LMAN2L: variants seen among roughly 807,000 people sequenced by gnomAD.
The protein encoded by LMAN2L is VIP36-like protein.
In LMAN2L, 30 loss-of-function variants were observed where a neutral mutation model predicts 44.3. The observed-to-expected ratio is 0.68, with a 90% confidence interval of 0.51 to 0.92. The LOEUF (loss-of-function observed/expected upper bound fraction) is 0.92. LMAN2L is among the 40% of genes least tolerant of loss of function. The pLI, the probability that LMAN2L is intolerant of heterozygous loss-of-function variation, is 0.00. For synonymous variants in LMAN2L, 183 were observed against 171.1 expected (o/e 1.07, Z -0.54); for missense variants, 429 against 446.1 (o/e 0.96, Z 0.35).
At chr2:96,713,881 T>C (rs1395123636) in intron 4 of LMAN2L, among the ~76,000 whole-genome samples, 1 of 152,240 alleles carries the variant, frequency 6.6e-6, no homozygotes, top group Non-Finnish European at 1.5e-5. Flanking sequence ...GCTGCAGTTC[T>C]AAGCCATTAG....
At chr2:96,732,105 G>A (rs1046315616) in intron 4 of LMAN2L, among the ~76,000 whole-genome samples, 1 of 151,784 alleles carries the variant, frequency 6.6e-6, no homozygotes, top group Non-Finnish European at 1.5e-5. Context: ...TGCCCACCTC[G>A]GCCTCCCAAA....
chr2:96,714,291 C>T (rs534029308), intron 4 of LMAN2L, among the ~76,000 whole-genome samples: 4 of 152,200 alleles, frequency 2.6e-5, no homozygotes, highest in Admixed American at 2.6e-4. Context: ...GGAAACAGAT[C>T]AGTCAGAATC....
At chr2:96,709,746 C>T (rs1279903377) in intron 6 of LMAN2L, among the ~76,000 whole-genome samples, 2 of 152,202 alleles carry the variant, frequency 1.3e-5, no homozygotes, top group South Asian at 2.1e-4. Context: ...ACCTACTATA[C>T]AACAAGTAAG....
intron 6 of LMAN2L, among the ~76,000 whole-genome samples, chr2:96,710,428 C>A (rs922325145): frequency 1.3e-5 from 2 of 152,070 alleles, no homozygotes; most frequent in African/African-American, 4.8e-5. Flanking sequence ...CCAGCACTTT[C>A]GGAGGCCAAG....
Position 96,706,378 on chromosome 2 carries a change from A to G in LMAN2L, c.*878T>C, listed in dbSNP as rs989634241. 2 of 152,254 alleles carry G rather than the reference A, an allele frequency of 1.3e-5. No homozygotes were observed. Among genetic ancestry groups the G allele is most frequent in the African/African-American group, 4.8e-5 (2 of 41,470 alleles). The allele number at this position is 152,254 out of a possible 1,614,324, so 9.4% of individuals were successfully genotyped here. A position where few individuals can be genotyped will look rare whatever the true frequency, so the allele number is the denominator to read the frequency against. ...CTAGCAAGTCCAGAAACATCTCCAC[A>G]TGGTCAGACCACATGACAAATGTTG... On this transcript the variant is annotated 3_prime_UTR_variant, in exon 8 of 8. Transcript: ENST00000264963.
intron 2 of LMAN2L, among the ~76,000 whole-genome samples, chr2:96,737,444 G>A (rs2078539293): frequency 6.6e-6 from 1 of 152,204 alleles, no homozygotes; most frequent in East Asian, 1.9e-4. Context: ...GAGACCAAGA[G>A]TTTGAGACCA....
At chr2:96,737,195 A>G (rs1483806362) in intron 2 of LMAN2L, 1 of 455,526 alleles carries the variant, frequency 2.2e-6, no homozygotes, top group Non-Finnish European at 4.4e-6. Flanking sequence ...TCTTGTCGCC[A>G]TACCTCAAGG....
chr2:96,720,970 A>G (rs2078140454), intron 4 of LMAN2L, among the ~76,000 whole-genome samples: 1 of 152,042 alleles, frequency 6.6e-6, no homozygotes, highest in African/African-American at 2.4e-5. Flanking sequence ...TAACTACAAC[A>G]CTGAGATATA....
chr2:96,735,837 C>CAA (rs569948329), intron 2 of LMAN2L, among the ~76,000 whole-genome samples: 2 of 106,300 alleles, frequency 1.9e-5, no homozygotes, highest in Admixed American at 9.8e-5. Flanking sequence ...GACTCCATCT[C>CAA]AAAAAAAAAA....
At chr2:96,715,123 G>A (rs2078014071) in intron 4 of LMAN2L, among the ~76,000 whole-genome samples, 2 of 152,118 alleles carry the variant, frequency 1.3e-5, no homozygotes, top group Admixed American at 1.3e-4. Context: ...ATTTTTAGTA[G>A]AGATGGGGTT....
intron 4 of LMAN2L, 92 bp from the exon 5 acceptor site, chr2:96,712,117 A>G (rs2077939982): frequency 1.6e-6 from 2 of 1,278,166 alleles, no homozygotes; most frequent in Non-Finnish European, 2.2e-6. Flanking sequence ...ATACAAGTTG[A>G]GCCCCTTACA....
chr2:96,706,795 G>A lies in LMAN2L; in HGVS notation c.*461C>T, dbSNP rs1051533748. 4 of 152,418 alleles carry A rather than the reference G, an allele frequency of 2.6e-5. No homozygotes were observed. The highest frequency in any genetic ancestry group is 9.7e-5 in the African/African-American group (4 of 41,446). 9.4% of individuals were successfully genotyped at this position (152,418 alleles called of 1,614,324 possible). A position where few individuals can be genotyped will look rare whatever the true frequency, so the allele number is the denominator to read the frequency against. On this transcript the variant is annotated 3_prime_UTR_variant, in exon 8 of 8. Transcript: ENST00000264963. Reference sequence around the variant, plus strand: ...CTGGTTTCCAAAGAAAGCTCCTCAGGTAGGCAGAGGGTTGGGTCAAATGCA... The same window carrying A: ...CTGGTTTCCAAAGAAAGCTCCTCAGATAGGCAGAGGGTTGGGTCAAATGCA...
At chr2:96,733,702 T>C (rs1011964427) in intron 3 of LMAN2L, 101 bp from the exon 4 acceptor site, 11 of 890,832 alleles carry the variant, frequency 1.2e-5, no homozygotes, top group East Asian at 1.1e-4. Flanking sequence ...TTCAAATGAC[T>C]CCCAAGCCTC....
chr2:96,713,756 T>C (rs144532015), intron 4 of LMAN2L, among the ~76,000 whole-genome samples: 1 of 152,330 alleles, frequency 6.6e-6, no homozygotes, highest in African/African-American at 2.4e-5. Context: ...CAAATAACTA[T>C]TGTCATTCTA....
rs375965191 is a variant in LMAN2L at position 96,711,865 on chromosome 2, G to A, written c.668C>T (p.Thr223Met). 30 of 1,614,050 alleles carry A rather than the reference G, an allele frequency of 1.9e-5. 1 individual carries two copies. Among genetic ancestry groups the A allele is most frequent in the South Asian group, 4.4e-5 (4 of 91,088 alleles). ...CTGGTCCAGGACAAGGACTCTCACC[G>A]TCAAATGCCTCTTGACGTAGCGAAT... The part of the protein sequence containing the change: ...LVIRYVKRHL[T>M]IMMDIDGKHE... The change falls in exon 5 of 8, where the codon ACG becomes ATG. Residue 223 changes from threonine (T) to methionine (M), a missense_variant and splice_region_variant. Thr to Met is a moderately conservative substitution (Grantham distance 81, BLOSUM62 -1). Transcript: ENST00000264963.
chr2:96,732,128 C>T (rs1303907244), intron 4 of LMAN2L, among the ~76,000 whole-genome samples: 1 of 150,668 alleles, frequency 6.6e-6, no homozygotes, highest in Non-Finnish European at 1.5e-5. Flanking sequence ...GCTGGGATTA[C>T]AGGCGTGAGC....
chr2:96,732,905 C>T (rs2078435290), intron 4 of LMAN2L, among the ~76,000 whole-genome samples: 1 of 151,586 alleles, frequency 6.6e-6, no homozygotes, highest in South Asian at 2.1e-4. Context: ...CCCACCACCA[C>T]ACCCATCTAA....
intron 4 of LMAN2L, among the ~76,000 whole-genome samples, chr2:96,713,307 G>T (rs1403971476): frequency 3.9e-5 from 6 of 152,206 alleles, no homozygotes; most frequent in Non-Finnish European, 7.3e-5. Flanking sequence ...CATCCGTGAA[G>T]TCTTTGCACC....
At chr2:96,723,789 TG>T (rs1411394129) in intron 4 of LMAN2L, among the ~76,000 whole-genome samples, 1 of 152,178 alleles carries the variant, frequency 6.6e-6, no homozygotes, top group Non-Finnish European at 1.5e-5. Context: ...AATTATCTTG[TG>T]GAAAATTAAT....
Sources: allele counts gnomAD v4.1 joint callset (sites outside exome capture counted in the v4.1 genomes callset), GRCh38; gene constraint gnomAD v4.1.1; transcripts MANE v1.5; gene names NCBI Gene and HGNC (gene_info 2026-07-23, HGNC 2026-07-21).